Variants in NFRKB observed in about 807,000 individuals in gnomAD.
NFRKB encodes the protein nuclear factor related to kappa-B-binding protein.
In NFRKB, 62 loss-of-function variants were observed where a neutral mutation model predicts 135.7. The ratio of observed to expected loss-of-function variants is 0.46; its 90% CI spans 0.37 to 0.56. NFRKB has a LOEUF of 0.56. Ranked by LOEUF, NFRKB falls within the 20% of genes least tolerant of loss-of-function variation. The pLI is 0.00. For missense variants in NFRKB, 1,545 were observed against 1,662.0 expected (o/e 0.93, Z 1.22); for synonymous variants, 678 against 635.6 (o/e 1.07, Z -1.00).
At chr11:129,884,614 A>C in intron 7 of NFRKB, 131 bp downstream of exon 7, 1 of 1,046,188 alleles carries the variant, frequency 9.6e-7, no homozygotes, top group African/African-American at 1.6e-5. Flanking sequence ...TTGCCAAACA[A>C]ATCACCTAGT....
rs146504023 is a variant in NFRKB, at chr11:129,874,169, C to T, written c.2223G>A (p.Ser741=). ...PAIPISPPPV[S]AVNKSGPSTV... ...TGGAAGGGCCGCTTTTGTTCACTGC[C>T]GATACAGGTGGAGGGGAGATGGGAA... is the stretch of plus-strand genomic sequence containing the variant. The change falls in exon 21 of 27, where the codon TCG becomes TCA. Residue 741 remains serine, a synonymous_variant. Coordinates refer to ENST00000682444, the MANE Select transcript of NFRKB (RefSeq NM_001143835.2). The surrounding 1 kb of genome is among the most constrained non-coding windows in gnomAD (Gnocchi z 4.5). 275 of 1,524,104 alleles carry T rather than the reference C, an allele frequency of 1.8e-4. No homozygotes were observed. The African/African-American group carries it at 3.0e-3, about 16-fold the overall frequency. 94.4% of individuals were successfully genotyped at this position (1,524,104 alleles called of 1,614,324 possible).
At chr11:129,869,065 C>T (rs1948361506) in intron 24 of NFRKB, among the ~76,000 whole-genome samples, 1 of 152,056 alleles carries the variant, frequency 6.6e-6, no homozygotes. Context: ...TATATAAAGT[C>T]TCTCATGGGT....
chr11:129,889,764 G>C (rs1565424915), intron 3 of NFRKB, among the ~76,000 whole-genome samples: 1 of 151,558 alleles, frequency 6.6e-6, no homozygotes, highest in African/African-American at 2.4e-5. Context: ...GACGGTGGGG[G>C]AGAAGGTTAG....
At chr11:129,867,223 T>C (rs543167740) in intron 24 of NFRKB, among the ~76,000 whole-genome samples, 1 of 152,224 alleles carries the variant, frequency 6.6e-6, no homozygotes, top group Admixed American at 6.5e-5. Context: ...TGATATAACC[T>C]TTCTGTTAGA....
chr11:129,873,611 T>C (rs1948619990), intron 22 of NFRKB, 134 bp downstream of exon 22: 2 of 1,242,014 alleles, frequency 1.6e-6, no homozygotes, highest in Non-Finnish European at 2.3e-6. Context: ...CAGTGGCTTA[T>C]TCCGATGAAT....
intron 24 of NFRKB, among the ~76,000 whole-genome samples, chr11:129,867,506 G>A (rs1054662895): frequency 2.6e-5 from 4 of 151,926 alleles, no homozygotes; most frequent in East Asian, 3.9e-4. Flanking sequence ...TGGTAGGGAC[G>A]GGGTTTCACC....
chr11:129,885,910 T>C (rs1949254698), intron 5 of NFRKB, among the ~76,000 whole-genome samples: 1 of 152,206 alleles, frequency 6.6e-6, no homozygotes, highest in African/African-American at 2.4e-5. Context: ...GCTTTGCCTC[T>C]AAGAATTTCC....
Position 129,892,779 on chromosome 11 carries a change from C to T in NFRKB, c.71G>A (p.Arg24His), listed in dbSNP as rs375206108. The T allele has an allele frequency of 5.0e-6, 8 of 1,614,170 alleles. No homozygotes were observed. Among genetic ancestry groups the T allele is most frequent in the East Asian group, 4.5e-5 (2 of 44,870 alleles). The change falls in exon 3 of 27, where the codon CGC (arginine) becomes CAC (histidine). Residue 24 changes from arginine (R) to histidine (H), a missense_variant. Physicochemically the swap from Arg to His is conservative, Grantham distance 29. Coordinates refer to ENST00000682444, the MANE Select transcript of NFRKB (RefSeq NM_001143835.2). ...TCCCAGGAGGCAATCCTCCATGATGCGCGTGCCATGGCCATCTCCACACGG... is the reference window on the plus strand; with the variant it reads ...TCCCAGGAGGCAATCCTCCATGATGTGCGTGCCATGGCCATCTCCACACGG... ...LGPCGDGHGT[R>H]IMEDCLLGGT...
chr11:129,888,029 T>A (rs548024040), intron 4 of NFRKB, among the ~76,000 whole-genome samples: 2 of 148,936 alleles, frequency 1.3e-5, no homozygotes, highest in South Asian at 4.1e-4. Flanking sequence ...ACAGCGAGAC[T>A]CTGTCCCAAA....
intron 23 of NFRKB, among the ~76,000 whole-genome samples, chr11:129,871,582 C>T (rs1948509001): frequency 6.6e-6 from 1 of 152,166 alleles, no homozygotes; most frequent in East Asian, 1.9e-4. Flanking sequence ...TCACCTTCCT[C>T]CTCTCAGACC....
In NFRKB at chr11:129,882,179, G is replaced by A. The variant is rs1200646262; in HGVS notation, c.1098C>T (p.Leu366=). 1 of 1,611,740 alleles carries A rather than the reference G, an allele frequency of 6.2e-7. No homozygotes were observed. Among genetic ancestry groups the A allele is most frequent in the African/African-American group, 1.3e-5 (1 of 74,716 alleles). The change falls in exon 11 of 27, where the codon CTC becomes CTT. Residue 366 remains leucine, a synonymous_variant. Transcript: ENST00000682444. ...TTTCATTGATTCCAAGGCAAGGCTTGAGGTCTTCAAGGGGCCTAATGAGGG... is the reference window on the plus strand; with the variant it reads ...TTTCATTGATTCCAAGGCAAGGCTTAAGGTCTTCAAGGGGCCTAATGAGGG... The part of the protein sequence containing the change: ...PAIKEEPLED[L]KPCLGINEIS...
At position 129,877,395 on chromosome 11, in the gene NFRKB, A is replaced by G; in HGVS notation, c.1512-10T>C. 1.2e-6 allele frequency: 2 copies of G among 1,614,042 alleles called. No homozygotes were observed. Among genetic ancestry groups the G allele is most frequent in the South Asian group, 1.1e-5 (1 of 91,080 alleles). On this transcript the variant is annotated splice_polypyrimidine_tract_variant and intron_variant, in intron 15 of 26. Transcript: ENST00000682444. ...CACATAGTCAGTTCTTCTGGAATAT[A>G]AAGAATTCTGTATCAACCCTGACAG... is the stretch of plus-strand genomic sequence containing the variant.
chr11:129,873,398 C>T (rs543533592), intron 22 of NFRKB, among the ~76,000 whole-genome samples: 43 of 152,320 alleles, frequency 2.8e-4, no homozygotes, highest in African/African-American at 9.9e-4. Context: ...TCTGTAAACT[C>T]ACACAACTAG....
intron 5 of NFRKB, 67 bp downstream of exon 5, chr11:129,886,250 A>G: frequency 6.5e-7 from 1 of 1,548,274 alleles, no homozygotes. Context: ...TTGCACCTGA[A>G]TTGCTTCTTG....
chr11:129,869,885 T>C lies in NFRKB; in HGVS notation c.3140A>G (p.Asp1047Gly), dbSNP rs775729146. 6.2e-7 allele frequency: 1 copy of C among 1,614,234 alleles called. No homozygotes were observed. Among genetic ancestry groups the C allele is most frequent in the South Asian group, 1.1e-5 (1 of 91,088 alleles). ...ACTTGAGGCTTCTGTTGGCTTGAGG[T>C]CAGGAGTCACTTTGACCACAGTGGT... Reference protein sequence around the residue: ...TGTTVVKVTPDLKPTEASSSA... With the variant: ...TGTTVVKVTPGLKPTEASSSA... Residue 1047 changes from aspartate to glycine, a missense_variant, in exon 24 of 27, where the codon GAC (aspartate) becomes GGC (glycine). Around this residue, in one of 3 missense-constraint regions of NFRKB, gnomAD observed 753 missense variants for 804.3 expected, o/e 0.94. Transcript: ENST00000682444.
chr11:129,892,153 T>C (rs1949587731), intron 3 of NFRKB, among the ~76,000 whole-genome samples: 1 of 152,206 alleles, frequency 6.6e-6, no homozygotes, highest in African/African-American at 2.4e-5. Flanking sequence ...GGTGCGCCTA[T>C]CACCCAAGCA....
chr11:129,872,652 C>T, intron 23 of NFRKB: 1 of 423,996 alleles, frequency 2.4e-6, no homozygotes, highest in Non-Finnish European at 4.2e-6. Flanking sequence ...AGAAACTCGA[C>T]TACTGAATGC....
chr11:129,886,514 G>T, intron 4 of NFRKB, 70 bp from the exon 5 acceptor site: 1 of 1,385,270 alleles, frequency 7.2e-7, no homozygotes, highest in Non-Finnish European at 1.0e-6. Flanking sequence ...CAAATATATT[G>T]AATGAGTGCT....
chr11:129,883,240 C>T, intron 8 of NFRKB, 34 bp from the exon 9 acceptor site: 2 of 1,586,078 alleles, frequency 1.3e-6, no homozygotes, highest in Non-Finnish European at 8.6e-7. Context: ...GTCATGGAGG[C>T]CCAAAAAGGA....
Sources: gnomAD v4.1 joint callset for allele counts (sites outside exome capture counted in the v4.1 genomes callset) on GRCh38, gnomAD v4.1.1 for gene constraint, gnomAD v4.1.1 regional missense constraint, Gnocchi (gnomAD v3.1) non-coding constraint, MANE v1.5 for transcripts, NCBI Gene and HGNC (gene_info 2026-07-23, HGNC 2026-07-21) for gene names.